ATG7: variants seen among roughly 807,000 people sequenced by gnomAD.
The protein encoded by ATG7 is ubiquitin-like modifier-activating enzyme ATG7.
ATG7 carries 70 observed loss-of-function variants against 82.4 expected under a neutral mutation model. That is an observed-to-expected ratio of 0.85 (90% CI 0.70 to 1.04). The LOEUF (loss-of-function observed/expected upper bound fraction) is 1.04. ATG7 is among the 50% of genes least tolerant of loss of function. ATG7 has a pLI of 0.00. For missense variants in ATG7, 792 were observed against 864.3 expected, an observed-to-expected ratio of 0.92 and a Z score of 1.05; for synonymous variants, 287 against 313.0, an observed-to-expected ratio of 0.92 and a Z score of 0.88.
intron 19 of ATG7, among the ~76,000 whole-genome samples, chr3:11,426,394 T>C (rs2082365144): frequency 6.6e-6 from 1 of 152,246 alleles, no homozygotes; most frequent in Non-Finnish European, 1.5e-5. Flanking sequence ...TATATTTGGC[T>C]AGCTCGTATG....
chr3:11,565,838 A>G, the ATG7 span, among the ~76,000 whole-genome samples: 2,463 of 152,234 alleles, frequency 0.016, 63 homozygotes, highest in African/African-American at 0.053. The surrounding 1 kb of genome is among the most constrained non-coding windows in gnomAD (Gnocchi z 4.1). Flanking sequence ...CCAACCCCAC[A>G]CAGGTAAGCC....
At chr3:11,276,776 A>G (rs553350807) in intron 1 of ATG7, among the ~76,000 whole-genome samples, 6 of 151,802 alleles carry the variant, frequency 4.0e-5, no homozygotes, top group African/African-American at 1.5e-4. Flanking sequence ...TCACATGCCA[A>G]TTTTTGCCAA....
intron 20 of ATG7, among the ~76,000 whole-genome samples, chr3:11,463,382 C>T (rs1182022726): frequency 2.0e-5 from 3 of 152,200 alleles, no homozygotes; most frequent in African/African-American, 7.2e-5. Context: ...AGATACTTCC[C>T]TCAGAATGGT....
intron 19 of ATG7, among the ~76,000 whole-genome samples, chr3:11,409,775 CTT>C (rs36100546): frequency 4.8e-5 from 7 of 144,404 alleles, no homozygotes; most frequent in African/African-American, 1.0e-4. Context: ...TGTCTAGATT[CTT>C]TTTTTTTTTT....
chr3:11,568,891 G>A, the ATG7 span: 30 of 1,318,154 alleles, frequency 2.3e-5, no homozygotes, highest in South Asian at 1.7e-4. This position sits in a 1 kb window ranked among gnomAD's most constrained non-coding sequence, Gnocchi z 5.9. Context: ...ACCCGGCCCC[G>A]CCCCGGGCCT....
At chr3:11,485,459 A>C (rs544888080) in intron 20 of ATG7, among the ~76,000 whole-genome samples, 1 of 152,284 alleles carries the variant, frequency 6.6e-6, no homozygotes, top group South Asian at 2.1e-4. Flanking sequence ...TCAGATGAGT[A>C]GGTTGTGAAA....
At chr3:11,572,396 C>CA in the ATG7 span, among the ~76,000 whole-genome samples, 33 of 152,300 alleles carry the variant, frequency 2.2e-4, no homozygotes, top group African/African-American at 7.5e-4. Flanking sequence ...AATACAAAGA[C>CA]TCGTGTACCT....
rs190999746 is a variant in ATG7 at position 11,546,913 on chromosome 3, T to C, written c.2080-7898T>C. On this transcript the variant is annotated intron_variant, in intron 20 of 20. Coordinates refer to ENST00000693202, the MANE Select transcript of ATG7 (RefSeq NM_001349232.2). ...CGGAGAGCAGCACAGGCTGATGCCA[T>C]CCTCTCCCTAACTGTCCAAGCCATG... is the stretch of plus-strand genomic sequence containing the variant. 2.6e-3 allele frequency among the ~76,000 whole-genome samples: 400 copies of C among 152,310 alleles called. 1 individual carries two copies. Among genetic ancestry groups the C allele is most frequent in the Non-Finnish European group, 3.4e-3 (232 of 68,016 alleles).
chr3:11,439,069 C>CTTTTTTTTTTTTTTT (rs67206280), intron 20 of ATG7, among the ~76,000 whole-genome samples: 1 of 121,972 alleles, frequency 8.2e-6, no homozygotes, highest in African/African-American at 3.1e-5. Context: ...TTCTTTCTTT[C>CTTTTTTTTTTTTTTT]TTTTTTTTTT....
intron 20 of ATG7, among the ~76,000 whole-genome samples, chr3:11,451,303 C>T (rs73019544): frequency 0.19 from 28,713 of 151,084 alleles, 2,857 homozygotes; most frequent in South Asian, 0.33. Context: ...CCTCGGCCTC[C>T]TGGGTACAAG....
intron 19 of ATG7, among the ~76,000 whole-genome samples, chr3:11,405,203 A>C (rs1322761845): frequency 6.6e-6 from 1 of 152,134 alleles, no homozygotes; most frequent in African/African-American, 2.4e-5. Flanking sequence ...TTGTCAGTGG[A>C]TCTTCCTGAC....
intron 19 of ATG7, among the ~76,000 whole-genome samples, chr3:11,386,631 T>C (rs2078335255): frequency 6.6e-6 from 1 of 152,222 alleles, no homozygotes; most frequent in African/African-American, 2.4e-5. Context: ...AGCCAGATTT[T>C]CCTTCTCCTT....
chr3:11,489,233 T>TAC, intron 20 of ATG7, among the ~76,000 whole-genome samples: 1 of 152,242 alleles, frequency 6.6e-6, no homozygotes, highest in Admixed American at 6.5e-5. Flanking sequence ...CAGGGACATT[T>TAC]AAGTCTGCAG....
chr3:11,511,587 T>C (rs1331493318), intron 20 of ATG7, among the ~76,000 whole-genome samples: 20 of 152,334 alleles, frequency 1.3e-4, no homozygotes, highest in Non-Finnish European at 2.2e-4. Flanking sequence ...AGTCCCGTAC[T>C]GTGCGCTCAC....
chr3:11,486,569 A>G (rs1052522042), intron 20 of ATG7, among the ~76,000 whole-genome samples: 6 of 150,980 alleles, frequency 4.0e-5, no homozygotes, highest in African/African-American at 1.2e-4. Flanking sequence ...AACTTCCAAC[A>G]CTATGTTGAA....
intron 11 of ATG7, among the ~76,000 whole-genome samples, chr3:11,336,829 C>T (rs1416592927): frequency 6.6e-6 from 1 of 152,036 alleles, no homozygotes; most frequent in Non-Finnish European, 1.5e-5. Flanking sequence ...TGTGCCACCA[C>T]ACCCAACTAA....
chr3:11,360,893 A>G (rs2076239890), intron 16 of ATG7, 109 bp downstream of exon 16: 29 of 1,236,262 alleles, frequency 2.3e-5, no homozygotes, highest in Non-Finnish European at 3.3e-5. Flanking sequence ...ATCTTTTAAC[A>G]AAGAGAAGAA....
At chr3:11,285,877 T>C (rs1425254109) in intron 3 of ATG7, among the ~76,000 whole-genome samples, 1 of 152,244 alleles carries the variant, frequency 6.6e-6, no homozygotes, top group Non-Finnish European at 1.5e-5. Flanking sequence ...GTCCCAATAA[T>C]GTCCTTTTAT....
intron 19 of ATG7, among the ~76,000 whole-genome samples, chr3:11,412,974 T>G (rs990291914): frequency 7.2e-5 from 11 of 152,176 alleles, no homozygotes; most frequent in Non-Finnish European, 1.3e-4. Flanking sequence ...AACTTATAGT[T>G]TCTTTTTTTA....
Sources: allele counts gnomAD v4.1 joint callset (sites outside exome capture counted in the v4.1 genomes callset), GRCh38; gene constraint gnomAD v4.1.1; non-coding constraint Gnocchi (gnomAD v3.1); transcripts MANE v1.5; gene names NCBI Gene and HGNC (gene_info 2026-07-23, HGNC 2026-07-21).